Variants in ADGRL2 observed in about 807,000 individuals in gnomAD.
ADGRL2 encodes adhesion G protein-coupled receptor L2.
Under a neutral mutation model 157.4 loss-of-function variants are expected in ADGRL2, and 44 were observed. The ratio of observed to expected loss-of-function variants is 0.28; its 90% CI spans 0.22 to 0.36. The LOEUF (loss-of-function observed/expected upper bound fraction) is 0.36. Ranked by LOEUF, ADGRL2 falls within the 10% of genes least tolerant of loss-of-function variation. The pLI, the probability that ADGRL2 is intolerant of heterozygous loss-of-function variation, is 1.00. For synonymous variants in ADGRL2, 585 were observed against 624.7 expected, an observed-to-expected ratio of 0.94 and a Z score of 0.95; for missense variants, 1,510 against 1,768.9, an observed-to-expected ratio of 0.85 and a Z score of 2.63.
chr1:81,528,335 G>A (rs1388690449), intron 2 of ADGRL2, among the ~76,000 whole-genome samples: 2 of 152,100 alleles, frequency 1.3e-5, no homozygotes, highest in Admixed American at 6.5e-5. Context: ...ATAGAAGGTA[G>A]CTGAGGTTCT....
intron 1 of ADGRL2, among the ~76,000 whole-genome samples, chr1:81,815,200 AT>A (rs1463674907): frequency 6.6e-6 from 1 of 151,776 alleles, no homozygotes; most frequent in Non-Finnish European, 1.5e-5. Context: ...TTTAAATCAG[AT>A]TGTTGGTTTA....
At chr1:81,340,098 T>C (rs1000605749) in intron 1 of ADGRL2, among the ~76,000 whole-genome samples, 34 of 152,204 alleles carry the variant, frequency 2.2e-4, no homozygotes, top group African/African-American at 7.7e-4. Flanking sequence ...GAATGAGAAA[T>C]CTGAAGAATA....
At chr1:81,365,249 T>C (rs958809695) in intron 1 of ADGRL2, among the ~76,000 whole-genome samples, 23 of 152,164 alleles carry the variant, frequency 1.5e-4, no homozygotes, top group African/African-American at 2.2e-4. Flanking sequence ...GAAGATGAAA[T>C]GGTGGTTGAG....
chr1:81,467,563 G>A lies in ADGRL2; in HGVS notation c.-248+22474G>A, dbSNP rs74094009. Among the ~76,000 whole-genome samples the A allele has an allele frequency of 3.3e-3, 501 of 152,246 alleles. 3 individuals are homozygous for A. The Middle Eastern group carries it at 0.041, about 12-fold the overall frequency. ...TAAAGTCTCAAACCCTTGCATGCAG[G>A]GAGAGCTGGACTTGAGCAAAATGGA... On this transcript the variant is annotated intron_variant, in intron 2 of 24. Coordinates refer to the ADGRL2 transcript ENST00000370721.
At chr1:81,932,455 A>G (rs926108908) in intron 3 of ADGRL2, among the ~76,000 whole-genome samples, 1 of 152,188 alleles carries the variant, frequency 6.6e-6, no homozygotes, top group African/African-American at 2.4e-5. Flanking sequence ...AGTTGTACTC[A>G]TCACTTGTTT....
chr1:81,424,013 T>C (rs1557678671), intron 1 of ADGRL2, among the ~76,000 whole-genome samples: 1 of 152,236 alleles, frequency 6.6e-6, no homozygotes, highest in East Asian at 1.9e-4. Flanking sequence ...AAGCTACAAA[T>C]GACAATATAT....
intron 17 of ADGRL2, among the ~76,000 whole-genome samples, chr1:81,976,894 A>G (rs905305093): frequency 6.6e-6 from 1 of 151,874 alleles, no homozygotes; most frequent in Admixed American, 6.6e-5. Context: ...TTGAGGCAGT[A>G]TTTTATATGT....
chr1:81,903,945 T>A (rs769766310), intron 2 of ADGRL2, among the ~76,000 whole-genome samples: 34 of 151,512 alleles, frequency 2.2e-4, no homozygotes, highest in Non-Finnish European at 4.6e-4. Flanking sequence ...TAATAATAAA[T>A]TGACAATTTA....
intron 1 of ADGRL2, among the ~76,000 whole-genome samples, chr1:81,809,598 AT>A: frequency 6.6e-6 from 1 of 151,980 alleles, no homozygotes; most frequent in East Asian, 1.9e-4. Flanking sequence ...TTCAGCCATC[AT>A]ACTAGCGAAG....
chr1:81,832,233 T>C (rs2091992233), intron 1 of ADGRL2, among the ~76,000 whole-genome samples: 3 of 152,040 alleles, frequency 2.0e-5, no homozygotes, highest in Admixed American at 1.3e-4. Context: ...CCTCCACCTC[T>C]CGGGTTCAAG....
chr1:81,505,256 G>A (rs1458215852), intron 2 of ADGRL2: 5 of 533,856 alleles, frequency 9.4e-6, no homozygotes, highest in Non-Finnish European at 1.8e-5. Flanking sequence ...ACCTCCTCTG[G>A]CCTCAGCCTG....
At chr1:81,897,709 C>T (rs2094417207) in intron 2 of ADGRL2, among the ~76,000 whole-genome samples, 3 of 152,050 alleles carry the variant, frequency 2.0e-5, no homozygotes, top group Non-Finnish European at 4.4e-5. Context: ...TTTTGTGACT[C>T]TTAGCAAGTC....
chr1:81,424,038 G>A (rs189936902), intron 1 of ADGRL2, among the ~76,000 whole-genome samples: 20 of 152,142 alleles, frequency 1.3e-4, no homozygotes, highest in African/African-American at 2.2e-4. Context: ...GCATTATATC[G>A]CACACTTCAT....
intron 2 of ADGRL2, chr1:81,503,109 G>T (rs183070317): frequency 1.2e-6 from 2 of 1,612,756 alleles, no homozygotes; most frequent in Non-Finnish European, 1.7e-6. Context: ...CGTCGAGGCT[G>T]TCTGAGGAGG....
chr1:81,910,443 A>G (rs1293273958), intron 3 of ADGRL2, among the ~76,000 whole-genome samples: 2 of 151,728 alleles, frequency 1.3e-5, no homozygotes, highest in Non-Finnish European at 2.9e-5. Context: ...TAGATAATAC[A>G]TCATTGGTTA....
At position 81,868,060 on chromosome 1, in the gene ADGRL2, G is replaced by GGTGTGTGTGTGTGTGT. The variant is rs145794673; in HGVS notation, c.73+31023_73+31038dup. Among the ~76,000 whole-genome samples, 7 of 145,662 alleles carry GGTGTGTGTGTGTGTGT rather than the reference G, an allele frequency of 4.8e-5. No individual in the cohort carries two copies. In the Middle Eastern group the frequency reaches 0.011, roughly 223 times the overall value. ...ACTTTGGGCAAGGCTGTGTGTGTGT[G>GGTGTGTGTGTGTGTGT]GTGTGTGTGTGTGTGTGTGTGTGTG... On this transcript the variant is annotated intron_variant, in intron 2 of 23. Coordinates refer to ENST00000686636, the MANE Select transcript of ADGRL2 (RefSeq NM_001366006.2).
intron 1 of ADGRL2, among the ~76,000 whole-genome samples, chr1:81,399,287 G>A (rs1410810410): frequency 6.6e-6 from 1 of 152,162 alleles, no homozygotes; most frequent in Non-Finnish European, 1.5e-5. Flanking sequence ...TGAGATTTAG[G>A]TGGAGACACA....
At chr1:81,348,180 C>G (rs571465591) in intron 1 of ADGRL2, among the ~76,000 whole-genome samples, 34 of 152,048 alleles carry the variant, frequency 2.2e-4, no homozygotes, top group Admixed American at 8.5e-4. Flanking sequence ...AGCATCACAT[C>G]GAAGAGGATT....
chr1:81,908,716 G>T (rs1184711829), intron 3 of ADGRL2, among the ~76,000 whole-genome samples: 2 of 152,048 alleles, frequency 1.3e-5, no homozygotes, highest in Non-Finnish European at 1.5e-5. Context: ...CCACACTCTT[G>T]CCAGCATTCA....
Sources: gnomAD v4.1 joint callset for allele counts (sites outside exome capture counted in the v4.1 genomes callset) on GRCh38, gnomAD v4.1.1 for gene constraint, MANE v1.5 for transcripts, NCBI Gene and HGNC (gene_info 2026-07-23, HGNC 2026-07-21) for gene names.